The following PAPPA2 variants were observed in gnomAD, a reference collection of about 807,000 sequenced individuals.
The protein encoded by PAPPA2 is pappalysin 2.
PAPPA2 carries 86 observed loss-of-function variants against 176.4 expected under a neutral mutation model. The observed-to-expected ratio is 0.49, with a 90% CI of 0.41 to 0.58. The LOEUF is 0.58. Ranked by LOEUF, PAPPA2 falls within the 20% of genes least tolerant of loss-of-function variation. The pLI is 0.00. For missense variants in PAPPA2, 2,073 were observed against 2,256.9 expected (o/e 0.92, Z 1.65); for synonymous variants, 809 against 852.2 (o/e 0.95, Z 0.88).
At chr1:176,541,397 T>C (rs1409589396) in intron 1 of PAPPA2, among the ~76,000 whole-genome samples, 3 of 152,236 alleles carry the variant, frequency 2.0e-5, no homozygotes, top group Non-Finnish European at 2.9e-5. Flanking sequence ...ATGGGGGAAG[T>C]ACTGTCCCAT....
intron 1 of PAPPA2, among the ~76,000 whole-genome samples, chr1:176,508,307 T>C (rs1211855960): frequency 2.0e-5 from 3 of 152,248 alleles, no homozygotes; most frequent in East Asian, 3.9e-4. Flanking sequence ...GGTAGAAACA[T>C]ACTCAAAATG....
At chr1:176,732,641 G>T (rs1662216332) in intron 12 of PAPPA2, among the ~76,000 whole-genome samples, 1 of 152,140 alleles carries the variant, frequency 6.6e-6, no homozygotes. Flanking sequence ...GGCATCACCA[G>T]AAATCTAGTT....
intron 2 of PAPPA2, among the ~76,000 whole-genome samples, chr1:176,582,846 A>G (rs1653072631): frequency 6.6e-6 from 1 of 152,162 alleles, no homozygotes; most frequent in South Asian, 2.1e-4. Context: ...TTAGTTATTT[A>G]AAGTTTTGTT....
chr1:176,719,048 T>C (rs1451120100), intron 12 of PAPPA2, among the ~76,000 whole-genome samples: 1 of 152,142 alleles, frequency 6.6e-6, no homozygotes, highest in East Asian at 1.9e-4. Context: ...GTTTCTCTTT[T>C]AGTTTTGTCA....
chr1:176,640,404 C>T (rs1434003393), intron 3 of PAPPA2, among the ~76,000 whole-genome samples: 4 of 142,058 alleles, frequency 2.8e-5, no homozygotes, highest in African/African-American at 1.1e-4. Context: ...CATGTGTTCT[C>T]ATTGTTCAAT....
chr1:176,780,073 G>T (rs1286312367), intron 17 of PAPPA2, among the ~76,000 whole-genome samples: 1 of 152,174 alleles, frequency 6.6e-6, no homozygotes, highest in Non-Finnish European at 1.5e-5. Context: ...GCAAACTAGG[G>T]TCTTATCATT....
At chr1:176,662,975 C>T (rs1658437765) in intron 3 of PAPPA2, among the ~76,000 whole-genome samples, 2 of 152,276 alleles carry the variant, frequency 1.3e-5, no homozygotes, top group South Asian at 4.1e-4. Context: ...ACTATTATAT[C>T]TCTTTGTTGT....
chr1:176,519,610 ATGCATTGTCCCGAGT>A (rs1649104804), intron 1 of PAPPA2, among the ~76,000 whole-genome samples: 1 of 152,170 alleles, frequency 6.6e-6, no homozygotes, highest in Admixed American at 6.5e-5. Context: ...AATATTATAT[ATGCATTGTCCCGAGT>A]TGCTCATTTT....
Position 176,695,865 on chromosome 1 carries a change from G to A in PAPPA2, c.2746+6G>A. ...GACCCCAGAGGAGGCTGTGGGTAAA[G>A]TACCATGACATTTTTTCTTTATACC... On this transcript the variant is annotated splice_donor_region_variant and intron_variant, in intron 7 of 22. Coordinates refer to ENST00000367662, the MANE Select transcript of PAPPA2 (RefSeq NM_020318.3). 2 of 1,613,548 alleles carry A rather than the reference G, an allele frequency of 1.2e-6. No individual in the cohort carries two copies. Among genetic ancestry groups the A allele is most frequent in the African/African-American group, 1.3e-5 (1 of 74,998 alleles).
At chr1:176,581,647 A>G (rs1472779253) in intron 2 of PAPPA2, among the ~76,000 whole-genome samples, 1 of 152,036 alleles carries the variant, frequency 6.6e-6, no homozygotes, top group Non-Finnish European at 1.5e-5. Context: ...AGTGTGTTGT[A>G]GTTTTCCTTG....
intron 17 of PAPPA2, among the ~76,000 whole-genome samples, chr1:176,783,488 T>C (rs1193726302): frequency 1.3e-5 from 2 of 152,128 alleles, no homozygotes; most frequent in East Asian, 1.9e-4. Context: ...TTTCTAGCAA[T>C]GATGTAAGAA....
At chr1:176,604,263 A>T (rs533718256) in intron 3 of PAPPA2, among the ~76,000 whole-genome samples, 1 of 152,056 alleles carries the variant, frequency 6.6e-6, no homozygotes, top group Non-Finnish European at 1.5e-5. Context: ...TCTTTTTAGA[A>T]TTTATCACAA....
chr1:176,476,208 T>C (rs1025483483), intron 1 of PAPPA2, among the ~76,000 whole-genome samples: 1 of 152,176 alleles, frequency 6.6e-6, no homozygotes, highest in East Asian at 1.9e-4. Flanking sequence ...AATACTCCAA[T>C]GTCTGAGTCC....
chr1:176,813,505 C>T (rs1666259613), intron 21 of PAPPA2, among the ~76,000 whole-genome samples: 1 of 152,148 alleles, frequency 6.6e-6, no homozygotes, highest in Admixed American at 6.5e-5. Context: ...AATGATATCT[C>T]ATTGTGGTTT....
intron 17 of PAPPA2, among the ~76,000 whole-genome samples, chr1:176,776,078 A>T (rs1389563370): frequency 6.6e-6 from 1 of 152,094 alleles, no homozygotes; most frequent in Non-Finnish European, 1.5e-5. Context: ...TTCCACATAC[A>T]CATCATCATT....
At chr1:176,491,900 A>G (rs938592556) in intron 1 of PAPPA2, among the ~76,000 whole-genome samples, 9 of 152,194 alleles carry the variant, frequency 5.9e-5, no homozygotes, top group Non-Finnish European at 1.3e-4. Flanking sequence ...TCACATGAGG[A>G]AGTGGCAGAA....
At position 176,535,113 on chromosome 1, in the gene PAPPA2, G is replaced by T. The variant is rs149722043; in HGVS notation, c.-916-20294G>T. Among the ~76,000 whole-genome samples, 254 of 152,156 alleles carry T rather than the reference G, an allele frequency of 1.7e-3. 2 individuals are homozygous for T. Among genetic ancestry groups the T allele is most frequent in the African/African-American group, 5.9e-3 (244 of 41,544 alleles). On this transcript the variant is annotated intron_variant, in intron 1 of 22. Coordinates refer to ENST00000367662, the MANE Select transcript of PAPPA2 (RefSeq NM_020318.3). Reference sequence around the variant, plus strand: ...CCTACAGGGTGGAGAAAAATGGGAAGAAGGAAGCAAAAAAGAGGTAAAGGA... The same window carrying T: ...CCTACAGGGTGGAGAAAAATGGGAATAAGGAAGCAAAAAAGAGGTAAAGGA...
At chr1:176,834,643 G>A (rs1667202825) in intron 21 of PAPPA2, among the ~76,000 whole-genome samples, 1 of 152,162 alleles carries the variant, frequency 6.6e-6, no homozygotes, top group Non-Finnish European at 1.5e-5. Flanking sequence ...GCCTATTTGG[G>A]ATAAACCTTG....
intron 1 of PAPPA2, among the ~76,000 whole-genome samples, chr1:176,505,714 A>G (rs1393587605): frequency 3.9e-5 from 6 of 151,916 alleles, no homozygotes; most frequent in Admixed American, 2.0e-4. Context: ...ACAGAGTGAG[A>G]CTCTGTCTCA....
Sources: gnomAD v4.1 joint callset for allele counts (sites outside exome capture counted in the v4.1 genomes callset) on GRCh38, gnomAD v4.1.1 for gene constraint, MANE v1.5 for transcripts, NCBI Gene and HGNC (gene_info 2026-07-23, HGNC 2026-07-21) for gene names.